The following GSE1 variants were observed in gnomAD, a reference collection of about 807,000 sequenced individuals.
The protein encoded by GSE1 is Gse1 coiled-coil protein, also known as genetic suppressor element 1.
A neutral mutation model predicts 112.6 loss-of-function variants in GSE1; 32 were observed. The observed-to-expected ratio is 0.28, with a 90% CI of 0.21 to 0.38. The LOEUF (loss-of-function observed/expected upper bound fraction) is 0.38. GSE1 is among the 10% of genes least tolerant of loss of function. GSE1 has a pLI of 1.00. For synonymous variants in GSE1, 1,115 were observed against 735.6 expected (o/e 1.52, Z -8.35); for missense variants, 2,348 against 1,699.2 (o/e 1.38, Z -6.71).
At chr16:85,255,424 T>G (rs1906969682) in intron 1 of GSE1, among the ~76,000 whole-genome samples, 1 of 151,682 alleles carries the variant, frequency 6.6e-6, no homozygotes, top group South Asian at 2.1e-4. Context: ...TTTTTTTTTT[T>G]TTTTTGAGAC....
intron 1 of GSE1, among the ~76,000 whole-genome samples, chr16:85,561,866 C>T (rs910844648): frequency 1.3e-5 from 2 of 152,212 alleles, no homozygotes; most frequent in African/African-American, 4.8e-5. Context: ...TAAACTGCTT[C>T]CAGAAAGTCA....
At chr16:85,402,485 A>C (rs1439455510) in intron 2 of GSE1, among the ~76,000 whole-genome samples, 1 of 152,168 alleles carries the variant, frequency 6.6e-6, no homozygotes, top group Non-Finnish European at 1.5e-5. Flanking sequence ...CCCAAAGCTG[A>C]GGCTGGAGAT....
chr16:85,444,612 C>T (rs1411770383), intron 2 of GSE1, among the ~76,000 whole-genome samples: 2 of 152,104 alleles, frequency 1.3e-5, no homozygotes, highest in African/African-American at 2.4e-5. Flanking sequence ...TTGCAGGTGT[C>T]CCCAGGACCT....
intron 2 of GSE1, among the ~76,000 whole-genome samples, chr16:85,513,884 C>T (rs2051830195): frequency 6.6e-6 from 1 of 152,052 alleles, no homozygotes; most frequent in South Asian, 2.1e-4. Flanking sequence ...GAAATCGGGA[C>T]CCCACCGCGG....
At chr16:85,623,533 G>A (rs1443434260) in intron 1 of GSE1, among the ~76,000 whole-genome samples, 1 of 152,200 alleles carries the variant, frequency 6.6e-6, no homozygotes, top group Admixed American at 6.5e-5. Context: ...TCAGGACCAA[G>A]CCCTTTTTGC....
At chr16:85,315,287 T>C (rs904015500) in intron 1 of GSE1, among the ~76,000 whole-genome samples, 3 of 152,208 alleles carry the variant, frequency 2.0e-5, no homozygotes, top group Admixed American at 2.0e-4. Context: ...GGGCCTGCTC[T>C]CCTGCAGTCC....
chr16:85,592,257 G>T (rs1199835274), intron 1 of GSE1: 2 of 151,912 alleles, frequency 1.3e-5, no homozygotes, highest in African/African-American at 4.8e-5. Flanking sequence ...CCGCTTCCTG[G>T]GTTCAAGTGA....
chr16:85,357,545 A>G (rs564369823), exon 2 of GSE1: 13 of 1,284,930 alleles, frequency 1.0e-5, no homozygotes, highest in Non-Finnish European at 1.3e-5. Flanking sequence ...GCCCCCACGG[A>G]GACCCTGCCC....
chr16:85,641,370 A>G (rs2050433554), intron 2 of GSE1, among the ~76,000 whole-genome samples: 3 of 152,150 alleles, frequency 2.0e-5, no homozygotes, highest in African/African-American at 7.2e-5. Flanking sequence ...TTTGGGTTTG[A>G]TGACTGTGGC....
intron 2 of GSE1, among the ~76,000 whole-genome samples, chr16:85,542,794 G>A (rs1301900695): frequency 1.3e-5 from 2 of 152,194 alleles, no homozygotes; most frequent in East Asian, 1.9e-4. Flanking sequence ...TGAGTCACAT[G>A]ACCTCCTCCC....
At chr16:85,367,518 C>G (rs916614110) in intron 2 of GSE1, among the ~76,000 whole-genome samples, 1 of 152,156 alleles carries the variant, frequency 6.6e-6, no homozygotes, top group Non-Finnish European at 1.5e-5. Flanking sequence ...GAGAGGGCCA[C>G]GAAGAAACAG....
At chr16:85,327,555 A>G (rs953932024) in intron 1 of GSE1, among the ~76,000 whole-genome samples, 1 of 152,198 alleles carries the variant, frequency 6.6e-6, no homozygotes, top group Non-Finnish European at 1.5e-5. Flanking sequence ...GTGAGCTGAG[A>G]TCGCACCACT....
chr16:85,191,423 A>G (rs936219036), intron 1 of GSE1, among the ~76,000 whole-genome samples: 1 of 152,226 alleles, frequency 6.6e-6, no homozygotes, highest in East Asian at 1.9e-4. Context: ...CACCCCTGAA[A>G]GAAACCCCAT....
intron 15 of GSE1, 60 bp downstream of exon 15, chr16:85,671,158 A>C: frequency 1.0e-6 from 1 of 957,528 alleles, no homozygotes; most frequent in Non-Finnish European, 1.7e-6. Context: ...GGGTTCAGAA[A>C]CACCCATGCA....
At chr16:85,400,813 G>GTGCC (rs1300319002) in intron 2 of GSE1, among the ~76,000 whole-genome samples, 1 of 15,232 alleles carries the variant, frequency 6.6e-5, no homozygotes, top group Non-Finnish European at 1.5e-3. Context: ...GTATGATTTT[G>GTGCC]TGTCTGTGAT....
At chr16:85,654,156 A>G in intron 3 of GSE1, 122 bp from the exon 4 acceptor site, 1 of 878,996 alleles carries the variant, frequency 1.1e-6, no homozygotes, top group Non-Finnish European at 1.7e-6. Flanking sequence ...CCTTAGGGAA[A>G]GGATGTTTCT....
At chr16:85,203,622 C>G (rs1387442669) in intron 1 of GSE1, among the ~76,000 whole-genome samples, 1 of 152,240 alleles carries the variant, frequency 6.6e-6, no homozygotes, top group East Asian at 1.9e-4. Flanking sequence ...CAAGGCCAAG[C>G]AGTGGGATTT....
At chr16:85,216,529 A>G (rs1198634438) in intron 1 of GSE1, among the ~76,000 whole-genome samples, 1 of 152,250 alleles carries the variant, frequency 6.6e-6, no homozygotes, top group Admixed American at 6.5e-5. Context: ...AGAAATAGAA[A>G]AACTTTAGCT....
At chr16:85,590,551 G>A (rs1445201796) in intron 1 of GSE1, among the ~76,000 whole-genome samples, 4 of 151,800 alleles carry the variant, frequency 2.6e-5, no homozygotes, top group African/African-American at 9.7e-5. Flanking sequence ...GACATTGCGT[G>A]TGTGACTGGG....
Sources: gnomAD v4.1 joint callset for allele counts (sites outside exome capture counted in the v4.1 genomes callset) on GRCh38, gnomAD v4.1.1 for gene constraint, MANE v1.5 for transcripts, NCBI Gene and HGNC (gene_info 2026-07-23, HGNC 2026-07-21) for gene names.